Variants in PARD3 observed in about 807,000 individuals in gnomAD.
PARD3 encodes the protein partitioning defective 3 homolog.
In PARD3, 75 loss-of-function variants were observed where a neutral mutation model predicts 155.4. That is an observed-to-expected ratio of 0.48 (90% confidence interval 0.40 to 0.58). The LOEUF (loss-of-function observed/expected upper bound fraction) is 0.58, where lower values mean the gene tolerates loss of function less well. Among genes scored for constraint, PARD3 ranks in the 20% least tolerant of loss-of-function variants. The probability of loss-of-function intolerance (pLI) is 0.00; values close to 1 mark genes in which losing one functional copy is unlikely to be tolerated. For synonymous variants in PARD3, 576 were observed against 610.5 expected (o/e 0.94, Z 0.83); for missense variants, 1,642 against 1,721.7 (o/e 0.95, Z 0.82).
intron 19 of PARD3, among the ~76,000 whole-genome samples, chr10:34,325,788 C>G (rs916351461): frequency 3.9e-5 from 6 of 152,066 alleles, no homozygotes; most frequent in Non-Finnish European, 8.8e-5. Context: ...AGATTCAGTT[C>G]CTAAGTGTAA....
intron 2 of PARD3, among the ~76,000 whole-genome samples, chr10:34,602,702 G>T (rs1364500257): frequency 6.6e-6 from 1 of 152,196 alleles, no homozygotes; most frequent in Non-Finnish European, 1.5e-5. Flanking sequence ...TATAATCTAT[G>T]GTGTGAACAT....
At chr10:34,758,403 T>C (rs1356675070) in intron 1 of PARD3, among the ~76,000 whole-genome samples, 1 of 152,182 alleles carries the variant, frequency 6.6e-6, no homozygotes, top group Non-Finnish European at 1.5e-5. Context: ...AGCTAGAAAG[T>C]GGCAGAGCAT....
chr10:34,403,418 T>C (rs1254046088), intron 5 of PARD3, among the ~76,000 whole-genome samples: 2 of 152,140 alleles, frequency 1.3e-5, no homozygotes, highest in African/African-American at 2.4e-5. Flanking sequence ...GTGTATGCCA[T>C]CAATAGGAAC....
intron 22 of PARD3, among the ~76,000 whole-genome samples, chr10:34,248,844 A>AAC (rs145911902): frequency 1.9e-3 from 295 of 152,162 alleles, no homozygotes; most frequent in Non-Finnish European, 2.8e-3. Flanking sequence ...TGTTAACTCC[A>AAC]ACACACACAC....
At chr10:34,615,547 G>A (rs1425010914) in intron 2 of PARD3, among the ~76,000 whole-genome samples, 1 of 152,064 alleles carries the variant, frequency 6.6e-6, no homozygotes, top group African/African-American at 2.4e-5. Flanking sequence ...ACATTGGTCT[G>A]GGCAAAGATT....
intron 1 of PARD3, among the ~76,000 whole-genome samples, chr10:34,747,458 T>TAA (rs1049163470): frequency 6.6e-6 from 1 of 152,138 alleles, no homozygotes; most frequent in Non-Finnish European, 1.5e-5. Context: ...TCTCCTACTT[T>TAA]AAAAAAAGAA....
intron 2 of PARD3, among the ~76,000 whole-genome samples, chr10:34,606,033 A>G (rs980931016): frequency 2.9e-5 from 4 of 136,466 alleles, no homozygotes; most frequent in African/African-American, 1.1e-4. Context: ...TATCTCCTAT[A>G]TATATATATC....
intron 22 of PARD3, among the ~76,000 whole-genome samples, chr10:34,229,549 A>G (rs1285393821): frequency 2.0e-5 from 3 of 151,628 alleles, no homozygotes; most frequent in Non-Finnish European, 4.4e-5. Context: ...TCTGGCCCCA[A>G]CTCTTCTTTT....
chr10:34,726,603 C>T (rs958978844), intron 1 of PARD3, among the ~76,000 whole-genome samples: 2 of 152,022 alleles, frequency 1.3e-5, no homozygotes, highest in African/African-American at 4.8e-5. Context: ...CACACAAACA[C>T]ATACACAATT....
chr10:34,414,150 T>A (rs3851067), intron 5 of PARD3, among the ~76,000 whole-genome samples: 84,346 of 151,216 alleles, frequency 0.56, 26,344 homozygotes, highest in African/African-American at 0.87. Context: ...GTGAGCTATA[T>A]TCATGCCGCT....
chr10:34,790,513 T>C (rs964732109), intron 1 of PARD3, among the ~76,000 whole-genome samples: 4 of 152,162 alleles, frequency 2.6e-5, no homozygotes, highest in African/African-American at 4.8e-5. Flanking sequence ...GATGCTTCTG[T>C]TAGGGCCAGA....
At chr10:34,310,054 A>C (rs1000032581) in intron 20 of PARD3, among the ~76,000 whole-genome samples, 41 of 152,318 alleles carry the variant, frequency 2.7e-4, no homozygotes, top group African/African-American at 8.7e-4. Flanking sequence ...ATTAGGAAAG[A>C]GATCCCCCAG....
At chr10:34,178,798 G>A (rs567555936) in intron 22 of PARD3, among the ~76,000 whole-genome samples, 1 of 152,334 alleles carries the variant, frequency 6.6e-6, no homozygotes, top group African/African-American at 2.4e-5. Context: ...AATTTGCTTA[G>A]TGGTCACCTA....
At chr10:34,516,888 A>C in intron 3 of PARD3, 91 bp downstream of exon 3, 1 of 1,212,554 alleles carries the variant, frequency 8.2e-7, no homozygotes, top group Non-Finnish European at 1.2e-6. Flanking sequence ...ACAGATAATT[A>C]ATTCCATTTA....
intron 1 of PARD3, among the ~76,000 whole-genome samples, chr10:34,724,992 T>C (rs2094675621): frequency 6.6e-6 from 1 of 152,202 alleles, no homozygotes; most frequent in Admixed American, 6.5e-5. Flanking sequence ...AGACTGGACA[T>C]AGCTGGAGCA....
intron 2 of PARD3, among the ~76,000 whole-genome samples, chr10:34,613,505 T>C (rs12267956): frequency 0.034 from 5,142 of 152,306 alleles, 276 homozygotes; most frequent in African/African-American, 0.12. Context: ...TCATTAACTC[T>C]TACTTAATTA....
intron 5 of PARD3, among the ~76,000 whole-genome samples, chr10:34,435,626 C>T (rs1473847680): frequency 6.6e-6 from 1 of 152,046 alleles, no homozygotes; most frequent in African/African-American, 2.4e-5. Context: ...CCCGAGCAAT[C>T]GAGAAAAACA....
chr10:34,789,087 G>C lies in PARD3; in HGVS notation c.120+25789C>G, dbSNP rs1841332655. Among the ~76,000 whole-genome samples, 8 of 152,312 alleles carry C rather than the reference G, an allele frequency of 5.3e-5. No homozygotes were observed. The South Asian group carries it at 1.7e-3, about 32-fold the overall frequency. On this transcript the variant is annotated intron_variant, in intron 1 of 24. Coordinates refer to ENST00000374788, the MANE Select transcript of PARD3 (RefSeq NM_001184785.2). Reference sequence around the variant, plus strand: ...TTAACTTCCCAACAATAGTTAACTAGGTTAATACTTGTATATCCACATAAT... The same window carrying C: ...TTAACTTCCCAACAATAGTTAACTACGTTAATACTTGTATATCCACATAAT...
intron 15 of PARD3, chr10:34,344,408 C>A (rs1282109067): frequency 1.8e-6 from 1 of 557,662 alleles, no homozygotes; most frequent in Non-Finnish European, 2.3e-6. Flanking sequence ...TCAGCCTCCC[C>A]AGTAGGTGGG....
Sources: gnomAD v4.1 joint callset for allele counts (sites outside exome capture counted in the v4.1 genomes callset) on GRCh38, gnomAD v4.1.1 for gene constraint, MANE v1.5 for transcripts, NCBI Gene and HGNC (gene_info 2026-07-23, HGNC 2026-07-21) for gene names.